Variants in WNT9A observed in about 807,000 individuals in gnomAD.
WNT9A encodes the protein protein Wnt-9a.
WNT9A carries 8 observed loss-of-function variants against 31.4 expected under a neutral mutation model. The observed-to-expected ratio is 0.26, with a 90% CI of 0.15 to 0.46. WNT9A has a LOEUF of 0.46. WNT9A is among the 20% of genes least tolerant of loss of function. The pLI is 0.99. For missense variants in WNT9A, 457 were observed against 522.9 expected (o/e 0.87, Z 1.23); for synonymous variants, 236 against 220.1 (o/e 1.07, Z -0.64).
chr1:227,940,218 T>C (rs958989781), intron 1 of WNT9A, among the ~76,000 whole-genome samples: 1 of 152,194 alleles, frequency 6.6e-6, no homozygotes, highest in African/African-American at 2.4e-5. Context: ...TGCCCTTTTC[T>C]GGGGCAGGGT....
At position 227,925,402 on chromosome 1, in the gene WNT9A, C is replaced by T. The variant is rs1339403596; in HGVS notation, c.213G>A (p.Met71Ile). Residue 71 changes from methionine (M) to isoleucine (I), a missense_variant, in exon 2 of 4, where the codon ATG becomes ATA. Met to Ile is a conservative substitution (Grantham distance 10). Coordinates refer to ENST00000272164, the MANE Select transcript of WNT9A (RefSeq NM_003395.4). The surrounding 1 kb of genome is among the most constrained non-coding windows in gnomAD (Gnocchi z 6.0). ...RLKLERKQRR[M>I]CRRDPGVAET... ...CTGCCACGCCCGGGTCCCGGCGGCACATGCGCCGCTGCTTCCGCTCCAGCT... is the reference window on the plus strand; with the variant it reads ...CTGCCACGCCCGGGTCCCGGCGGCATATGCGCCGCTGCTTCCGCTCCAGCT... 1 of 1,609,068 alleles carries T rather than the reference C, an allele frequency of 6.2e-7. No individual in the cohort carries two copies. The highest frequency in any genetic ancestry group is 1.3e-5 in the African/African-American group (1 of 74,856).
intron 1 of WNT9A, among the ~76,000 whole-genome samples, chr1:227,929,455 T>C (rs1397429473): frequency 6.6e-6 from 1 of 152,234 alleles, no homozygotes; most frequent in Non-Finnish European, 1.5e-5. Context: ...CAAATTCATA[T>C]GGTCAAACCT....
rs1444151780 is a variant in WNT9A at position 227,925,668 on chromosome 1, AG to A, written c.96-150del. The A allele has an allele frequency of 6.2e-5, 81 of 1,301,782 alleles. No individual in the cohort carries two copies. The highest frequency in any genetic ancestry group is 8.1e-5 in the Non-Finnish European group (80 of 984,124). The allele number at this position is 1,301,782 out of a possible 1,614,324, so 80.6% of individuals were successfully genotyped here. ...ATCCAGGATGAGCCAGGCAGGGGAG[AG>A]GGAGGCGAGAAGGGCCTTGGCCCCC... On this transcript the variant is annotated intron_variant, in intron 1 of 3. Transcript: ENST00000272164. This position sits in a 1 kb window ranked among gnomAD's most constrained non-coding sequence, Gnocchi z 6.0.
At chr1:227,932,086 G>A (rs1181597241) in intron 1 of WNT9A, among the ~76,000 whole-genome samples, 1 of 152,204 alleles carries the variant, frequency 6.6e-6, no homozygotes, top group Admixed American at 6.5e-5. Context: ...TTTCATGAAA[G>A]ACTTCTCTAT....
chr1:227,922,126 C>T (rs543312153), intron 3 of WNT9A, 126 bp from the exon 4 acceptor site: 154 of 1,392,334 alleles, frequency 1.1e-4, no homozygotes, highest in Middle Eastern at 2.5e-4. Context: ...TGCCGGCGGG[C>T]GTCACCACTG....
chr1:227,923,804 C>A (rs1024433869), intron 3 of WNT9A, among the ~76,000 whole-genome samples: 9 of 152,162 alleles, frequency 5.9e-5, no homozygotes, highest in Non-Finnish European at 1.0e-4. Flanking sequence ...TGCCATGATA[C>A]TGGTTAGACT....
chr1:227,923,363 T>C (rs1666358339), intron 3 of WNT9A, among the ~76,000 whole-genome samples: 1 of 152,096 alleles, frequency 6.6e-6, no homozygotes, highest in Non-Finnish European at 1.5e-5. Context: ...CCCATCCCTG[T>C]TCAGGAACTG....
Position 227,921,788 on chromosome 1 carries a change from C to A in WNT9A, c.828G>T (p.Gly276=), listed in dbSNP as rs1465328164. ...AISPPRGRAS[G]AGGSDPLPRT... Reference sequence around the variant, plus strand: ...GGGGCAGCGGGTCGCTGCCACCTGCCCCCGAGGCACGGCCCCGTGGTGGGG... The same window carrying A: ...GGGGCAGCGGGTCGCTGCCACCTGCACCCGAGGCACGGCCCCGTGGTGGGG... Residue 276 remains glycine (G), a synonymous_variant, in exon 4 of 4, where the codon GGG becomes GGT. Coordinates refer to ENST00000272164, the MANE Select transcript of WNT9A (RefSeq NM_003395.4). 1.9e-6 allele frequency: 3 copies of A among 1,612,420 alleles called. No homozygotes were observed. The highest frequency in any genetic ancestry group is 2.5e-6 in the Non-Finnish European group (3 of 1,179,634).
chr1:227,927,165 C>T (rs750492233), intron 1 of WNT9A, among the ~76,000 whole-genome samples: 15 of 152,276 alleles, frequency 9.9e-5, no homozygotes, highest in East Asian at 7.7e-4. Flanking sequence ...TGCAGAAGGA[C>T]CTGCAACGGC....
chr1:227,938,969 C>T (rs2102728570), intron 1 of WNT9A, among the ~76,000 whole-genome samples: 1 of 152,346 alleles, frequency 6.6e-6, no homozygotes, highest in South Asian at 2.1e-4. Flanking sequence ...AGGCTCACGG[C>T]AGCACCAGTT....
chr1:227,922,076 C>T (rs1477522523), intron 3 of WNT9A, 76 bp from the exon 4 acceptor site: 14 of 1,517,198 alleles, frequency 9.2e-6, no homozygotes, highest in East Asian at 2.3e-5. Flanking sequence ...CTGCCCTGGA[C>T]CCCCAGAGGG....
In WNT9A at chr1:227,926,405, T is replaced by C. The variant is rs530730943; in HGVS notation, c.96-886A>G. Among the ~76,000 whole-genome samples the C allele has an allele frequency of 3.1e-4, 47 of 152,062 alleles. No homozygotes were observed. The highest frequency in any genetic ancestry group is 1.1e-3 in the African/African-American group (46 of 41,480). The stretch of plus-strand genomic sequence containing the variant: ...ACCTGCTGCTGCTGCTGGGCTCACT[T>C]CACAAGGCTTCCCTCACACCCCGCC... On this transcript the variant is annotated intron_variant, in intron 1 of 3. Transcript: ENST00000272164. This position sits in a 1 kb window ranked among gnomAD's most constrained non-coding sequence, Gnocchi z 5.0.
chr1:227,921,542 C>A lies in WNT9A; in HGVS notation c.1074G>T (p.Glu358Asp). The change falls in exon 4 of 4, where the codon GAG becomes GAT. Residue 358 changes from glutamate (E) to aspartate (D), a missense_variant. Physicochemically the swap from Glu to Asp is conservative, Grantham distance 45. Coordinates refer to ENST00000272164, the MANE Select transcript of WNT9A (RefSeq NM_003395.4). ...YVECRQCTQR[E>D]EVYTCKG is the part of the protein sequence containing the mutation. The stretch of plus-strand genomic sequence containing the variant: ...CTCAGCCCTTGCAGGTGTAGACCTC[C>A]TCACGCTGCGTGCACTGCCTGCACT... 1 of 1,611,734 alleles carries A rather than the reference C, an allele frequency of 6.2e-7. No individual in the cohort carries two copies. Among genetic ancestry groups the A allele is most frequent in the South Asian group, 1.1e-5 (1 of 90,958 alleles).
intron 1 of WNT9A, among the ~76,000 whole-genome samples, chr1:227,934,429 T>C (rs977857433): frequency 6.6e-6 from 1 of 152,248 alleles, no homozygotes; most frequent in Admixed American, 6.5e-5. Context: ...ATCTATTAAT[T>C]GCTTTCTCCT....
chr1:227,942,416 C>T lies in WNT9A; in HGVS notation c.95+5377G>A, dbSNP rs554043797. 3.3e-5 allele frequency among the ~76,000 whole-genome samples: 5 copies of T among 152,170 alleles called. No individual in the cohort carries two copies. Among genetic ancestry groups the T allele is most frequent in the Non-Finnish European group, 7.4e-5 (5 of 67,998 alleles). The stretch of plus-strand genomic sequence containing the variant: ...CAGGCTGACACTCCAGACCCTCCCA[C>T]TTACGGCCCCACTGTCAGGGAAGCC... On this transcript the variant is annotated intron_variant, in intron 1 of 3. Transcript: ENST00000272164. This position sits in a 1 kb window ranked among gnomAD's most constrained non-coding sequence, Gnocchi z 5.7.
chr1:227,940,776 C>T (rs1666689660), intron 1 of WNT9A, among the ~76,000 whole-genome samples: 1 of 152,258 alleles, frequency 6.6e-6, no homozygotes, highest in Non-Finnish European at 1.5e-5. Context: ...CAACTGCCAG[C>T]TGGACAGCTG....
intron 1 of WNT9A, among the ~76,000 whole-genome samples, chr1:227,930,821 G>T (rs974516016): frequency 1.6e-4 from 24 of 152,244 alleles, no homozygotes; most frequent in Non-Finnish European, 5.9e-5. Flanking sequence ...AGGAGTTCGA[G>T]ACCAGCCTGG....
Position 227,947,781 on chromosome 1 carries a change from G to T in WNT9A, c.95+12C>A. On this transcript the variant is annotated intron_variant, in intron 1 of 3. Coordinates refer to ENST00000272164, the MANE Select transcript of WNT9A (RefSeq NM_003395.4). ...CGCCCACCAGTGCGCGCCGGCCGCC[G>T]AAGGCACCTACCCGAAGTAGGCGGC... is the stretch of plus-strand genomic sequence containing the variant. The T allele has an allele frequency of 2.8e-6, 3 of 1,062,212 alleles. No individual in the cohort carries two copies. The highest frequency in any genetic ancestry group is 2.3e-6 in the Non-Finnish European group (2 of 880,484). The allele number at this position is 1,062,212 out of a possible 1,614,324, so 65.8% of individuals were successfully genotyped here.
rs569316514 is a variant in WNT9A, at chr1:227,928,409, G to C, written c.96-2890C>G. Among the ~76,000 whole-genome samples, 1 of 152,308 alleles carries C rather than the reference G, an allele frequency of 6.6e-6. No individual in the cohort carries two copies. Among genetic ancestry groups the C allele is most frequent in the South Asian group, 2.1e-4 (1 of 4,828 alleles). On this transcript the variant is annotated intron_variant, in intron 1 of 3. Transcript: ENST00000272164. The surrounding 1 kb of genome is among the most constrained non-coding windows in gnomAD (Gnocchi z 4.5). Reference sequence around the variant, plus strand: ...GGTTGCCCCAGCCTAGCAGTGGCAAGGGATGGCCTGAGGCCCAAAGGCTAC... The same window carrying C: ...GGTTGCCCCAGCCTAGCAGTGGCAACGGATGGCCTGAGGCCCAAAGGCTAC...
Sources: gnomAD v4.1 joint callset for allele counts (sites outside exome capture counted in the v4.1 genomes callset) on GRCh38, gnomAD v4.1.1 for gene constraint, Gnocchi (gnomAD v3.1) non-coding constraint, MANE v1.5 for transcripts, NCBI Gene and HGNC (gene_info 2026-07-23, HGNC 2026-07-21) for gene names.